PCDHA4: variants seen among roughly 807,000 people sequenced by gnomAD.
The protein encoded by PCDHA4 is protocadherin alpha 4, also known as protocadherin alpha-4.
A neutral mutation model predicts 61.4 loss-of-function variants in PCDHA4; 49 were observed. The observed-to-expected ratio is 0.80, with a 90% CI of 0.63 to 1.01. The LOEUF (loss-of-function observed/expected upper bound fraction) is 1.01. PCDHA4 is among the 50% of genes least tolerant of loss of function. The probability of loss-of-function intolerance (pLI) is 0.00; values close to 1 mark genes in which losing one functional copy is unlikely to be tolerated. For missense variants in PCDHA4, 1,254 were observed against 1,235.8 expected, an observed-to-expected ratio of 1.01 and a Z score of -0.22; for synonymous variants, 590 against 550.3, an observed-to-expected ratio of 1.07 and a Z score of -1.01.
chr5:140,987,120 A>G (rs1224513029), intron 3 of PCDHA4, among the ~76,000 whole-genome samples: 9 of 151,956 alleles, frequency 5.9e-5, no homozygotes, highest in African/African-American at 2.2e-4. Context: ...AGGCTGAGGC[A>G]GGAGAATTGC....
chr5:140,992,342 T>C (rs2097506091), intron 3 of PCDHA4, among the ~76,000 whole-genome samples: 1 of 152,102 alleles, frequency 6.6e-6, no homozygotes. Flanking sequence ...AAGATGGAAA[T>C]GTGGAGAGAG....
At chr5:140,840,542 A>G (rs1776756307) in intron 1 of PCDHA4, among the ~76,000 whole-genome samples, 1 of 152,060 alleles carries the variant, frequency 6.6e-6, no homozygotes, top group South Asian at 2.1e-4. Context: ...TAACAAGCCA[A>G]TGATGGCAAT....
intron 1 of PCDHA4, chr5:140,823,746 G>C: frequency 1.2e-6 from 2 of 1,613,840 alleles, no homozygotes; most frequent in Non-Finnish European, 1.7e-6. Flanking sequence ...GAGAGCCCCC[G>C]CTGACAGCCA....
chr5:140,939,005 G>A (rs2092293653), intron 1 of PCDHA4, among the ~76,000 whole-genome samples: 1 of 152,200 alleles, frequency 6.6e-6, no homozygotes, highest in Non-Finnish European at 1.5e-5. Flanking sequence ...AAGTTAAGAA[G>A]TGTTACTTTT....
intron 1 of PCDHA4, chr5:140,834,164 A>G: frequency 1.8e-6 from 1 of 543,344 alleles, no homozygotes; most frequent in Non-Finnish European, 3.2e-6. Context: ...TGTAATTCTT[A>G]CTTACATGAT....
At chr5:140,869,083 T>C in intron 1 of PCDHA4, 1 of 1,582,990 alleles carries the variant, frequency 6.3e-7, no homozygotes, top group Non-Finnish European at 8.6e-7. Flanking sequence ...AAGCTTATTT[T>C]GGAAGCCAAT....
chr5:140,984,599 C>T (rs1415361733), intron 3 of PCDHA4, among the ~76,000 whole-genome samples: 1 of 152,162 alleles, frequency 6.6e-6, no homozygotes, highest in Non-Finnish European at 1.5e-5. Context: ...TCAATACATA[C>T]CTCTGCATCA....
intron 3 of PCDHA4, among the ~76,000 whole-genome samples, chr5:141,003,540 T>C (rs2098129225): frequency 6.6e-6 from 1 of 152,188 alleles, no homozygotes; most frequent in Non-Finnish European, 1.5e-5. Flanking sequence ...CTTGAACTCC[T>C]GGCTTCAAGT....
intron 1 of PCDHA4, chr5:140,848,383 C>G (rs1781483118): frequency 8.4e-7 from 1 of 1,197,254 alleles, no homozygotes; most frequent in African/African-American, 1.5e-5. Flanking sequence ...TTCTTTTTCA[C>G]TCTCTCTGTG....
intron 1 of PCDHA4, chr5:140,829,904 G>A: frequency 6.2e-7 from 1 of 1,613,978 alleles, no homozygotes; most frequent in Admixed American, 1.7e-5. Flanking sequence ...AGGCTACAAC[G>A]CGTGGCTTTC....
At chr5:140,822,873 G>C (rs1304817272) in intron 1 of PCDHA4, 51 of 1,614,094 alleles carry the variant, frequency 3.2e-5, no homozygotes, top group African/African-American at 6.7e-5. Context: ...CACTCAGCAC[G>C]GTCATTGCTC....
At chr5:140,985,999 A>G (rs932659753) in intron 3 of PCDHA4, among the ~76,000 whole-genome samples, 10 of 152,104 alleles carry the variant, frequency 6.6e-5, no homozygotes, top group Non-Finnish European at 1.5e-4. Flanking sequence ...TCAGCCTCCC[A>G]AAGTGCTGGG....
In PCDHA4 at chr5:140,927,503, C is replaced by T. The variant is rs148532418; in HGVS notation, c.2386-51446C>T. On this transcript the variant is annotated intron_variant, in intron 1 of 3. Transcript: ENST00000530339. ...CGCGCCACCCACCTGCTGGTGCTTA[C>T]AGCTCGGGACGGCGGGCTACCTGCC... The T allele has an allele frequency of 1.2e-4, 190 of 1,614,128 alleles. No homozygotes were observed. In the African/African-American group the frequency reaches 2.3e-3, roughly 19 times the overall value.
intron 1 of PCDHA4, chr5:140,810,716 A>C (rs2150023636): frequency 6.6e-6 from 1 of 150,586 alleles, no homozygotes; most frequent in African/African-American, 2.4e-5. Flanking sequence ...TTATTTCCTT[A>C]TCTTGTTTTT....
At chr5:140,969,933 C>T (rs2096370749) in intron 1 of PCDHA4, among the ~76,000 whole-genome samples, 1 of 152,192 alleles carries the variant, frequency 6.6e-6, no homozygotes, top group South Asian at 2.1e-4. Context: ...ATTTAGACAT[C>T]ATACTGAAGC....
chr5:140,965,035 C>T (rs978573637), intron 1 of PCDHA4, among the ~76,000 whole-genome samples: 6 of 152,108 alleles, frequency 3.9e-5, no homozygotes, highest in Non-Finnish European at 5.9e-5. Context: ...TTTAACTGTC[C>T]GCTCTAGGAG....
At chr5:140,882,675 G>A in intron 1 of PCDHA4, 1 of 1,614,218 alleles carries the variant, frequency 6.2e-7, no homozygotes, top group Non-Finnish European at 8.5e-7. Context: ...TTCCCTGAAA[G>A]CAAGAAACGA....
intron 1 of PCDHA4, among the ~76,000 whole-genome samples, chr5:140,938,765 A>G (rs1554212377): frequency 6.6e-6 from 1 of 152,182 alleles, no homozygotes; most frequent in Non-Finnish European, 1.5e-5. Context: ...GTTATTGGGT[A>G]CTAGACTTAG....
At chr5:140,909,472 G>A (rs2074524054) in intron 1 of PCDHA4, among the ~76,000 whole-genome samples, 1 of 152,168 alleles carries the variant, frequency 6.6e-6, no homozygotes, top group South Asian at 2.1e-4. Context: ...CTTCTTCACA[G>A]GCTAAATAGG....
Sources: allele counts gnomAD v4.1 joint callset (sites outside exome capture counted in the v4.1 genomes callset), GRCh38; gene constraint gnomAD v4.1.1; transcripts MANE v1.5; gene names NCBI Gene and HGNC (gene_info 2026-07-23, HGNC 2026-07-21).